The following IFT43 variants were observed in gnomAD, a reference collection of about 807,000 sequenced individuals.
The protein encoded by IFT43 is intraflagellar transport protein 43 homolog.
Under a neutral mutation model 32.3 loss-of-function variants are expected in IFT43, and 33 were observed. The ratio of observed to expected loss-of-function variants is 1.02; its 90% CI spans 0.77 to 1.37. The LOEUF (loss-of-function observed/expected upper bound fraction) is 1.37. IFT43 is among the 40% of genes most tolerant of loss of function. The pLI is 0.00. For missense variants in IFT43, 274 were observed against 265.9 expected (o/e 1.03, Z -0.21); for synonymous variants, 93 against 98.2 (o/e 0.95, Z 0.31).
In IFT43 at chr14:76,029,203, A is replaced by G. The variant is rs13379075; in HGVS notation, c.215+6809A>G. On this transcript the variant is annotated intron_variant, in intron 3 of 8. Transcript: ENST00000314067. ...GTATCTCATTGTGGCTTCAATTTGC[A>G]TTTCTCTGATAGTGATGTTAAGCAT... is the stretch of plus-strand genomic sequence containing the variant. Among the ~76,000 whole-genome samples the G allele has an allele frequency of 4.5e-3, 687 of 152,154 alleles. 2 individuals carry two copies. Among genetic ancestry groups the G allele is most frequent in the African/African-American group, 0.016 (657 of 41,502 alleles).
intron 5 of IFT43, among the ~76,000 whole-genome samples, chr14:76,064,015 G>A (rs1183887427): frequency 2.0e-5 from 3 of 152,152 alleles, no homozygotes; most frequent in Admixed American, 6.5e-5. Flanking sequence ...ATCTCATTCC[G>A]GGCAGGGGAT....
intron 2 of IFT43, among the ~76,000 whole-genome samples, chr14:76,000,674 G>A (rs938956715): frequency 2.0e-5 from 3 of 152,128 alleles, no homozygotes; most frequent in East Asian, 3.8e-4. Context: ...AAAACCTGGC[G>A]GAGGGGTCTA....
At chr14:76,065,871 C>T (rs1007738627) in intron 5 of IFT43, among the ~76,000 whole-genome samples, 5 of 152,232 alleles carry the variant, frequency 3.3e-5, no homozygotes, top group Non-Finnish European at 7.3e-5. Context: ...CCTTCCACCT[C>T]GGTTTCCCGA....
At chr14:76,081,725 C>A (rs1262822409) in intron 5 of IFT43, among the ~76,000 whole-genome samples, 4 of 152,168 alleles carry the variant, frequency 2.6e-5, no homozygotes, top group Non-Finnish European at 2.9e-5. Context: ...CAAATGGACG[C>A]CTGGATCCCA....
chr14:76,062,948 ACATT>A (rs2037169846), intron 5 of IFT43, among the ~76,000 whole-genome samples: 2 of 141,146 alleles, frequency 1.4e-5, no homozygotes, highest in Non-Finnish European at 3.0e-5. Flanking sequence ...AAAAGAAAAT[ACATT>A]AAGTCAAACC....
At chr14:76,081,916 C>A (rs1352738790) in intron 5 of IFT43, among the ~76,000 whole-genome samples, 1 of 152,236 alleles carries the variant, frequency 6.6e-6, no homozygotes, top group Non-Finnish European at 1.5e-5. Flanking sequence ...ATGCCAGGCT[C>A]ACTTGTCAGT....
intron 3 of IFT43, 84 bp downstream of exon 3, chr14:76,022,478 A>G: frequency 1.2e-6 from 1 of 804,764 alleles, no homozygotes; most frequent in African/African-American, 1.7e-5. Flanking sequence ...TATTTTTTAC[A>G]ATAGCTTTAT....
chr14:76,014,788 C>T (rs189546318), intron 2 of IFT43, among the ~76,000 whole-genome samples: 1 of 152,284 alleles, frequency 6.6e-6, no homozygotes, highest in African/African-American at 2.4e-5. Flanking sequence ...ACCAAGATGG[C>T]AAGAAAACTG....
intron 5 of IFT43, among the ~76,000 whole-genome samples, chr14:76,066,482 A>G (rs1354636982): frequency 6.6e-6 from 1 of 152,230 alleles, no homozygotes; most frequent in African/African-American, 2.4e-5. Flanking sequence ...TTTAGAATCC[A>G]TTATGCAGTA....
chr14:76,051,753 T>A (rs1000486712), intron 3 of IFT43, among the ~76,000 whole-genome samples: 3 of 152,218 alleles, frequency 2.0e-5, no homozygotes, highest in Non-Finnish European at 2.9e-5. Flanking sequence ...CTTGACATTT[T>A]AAAAATGTAA....
At chr14:76,024,937 G>C (rs2036361951) in intron 3 of IFT43, among the ~76,000 whole-genome samples, 1 of 152,204 alleles carries the variant, frequency 6.6e-6, no homozygotes, top group Admixed American at 6.5e-5. Flanking sequence ...CTCATTTTAT[G>C]GATGAAATAA....
chr14:76,077,725 T>A (rs910430894), intron 5 of IFT43, among the ~76,000 whole-genome samples: 1 of 152,176 alleles, frequency 6.6e-6, no homozygotes, highest in Non-Finnish European at 1.5e-5. Flanking sequence ...TCCCTCTGGA[T>A]TTCCCCCCAT....
Position 75,985,768 on chromosome 14 carries a change from A to G in IFT43, c.-19A>G. The stretch of plus-strand genomic sequence containing the variant: ...TGGGCCAGTCGGTTTCCAGGAAGTG[A>G]CGTCAGGCGGCCGCGGAGATGGAGG... On this transcript the variant is annotated 5_prime_UTR_variant, in exon 1 of 9. Coordinates refer to ENST00000314067, the MANE Select transcript of IFT43 (RefSeq NM_001102564.3). 1.9e-6 allele frequency: 3 copies of G among 1,614,062 alleles called. No individual in the cohort carries two copies.
At chr14:76,005,708 A>G (rs567725080) in intron 2 of IFT43, among the ~76,000 whole-genome samples, 47 of 152,224 alleles carry the variant, frequency 3.1e-4, no homozygotes, top group African/African-American at 1.1e-3. Flanking sequence ...CAGCTACCCA[A>G]TTGCTGTACA....
chr14:76,082,505 C>A, intron 6 of IFT43, 112 bp from the exon 7 acceptor site: 2 of 1,364,500 alleles, frequency 1.5e-6, no homozygotes, highest in Non-Finnish European at 2.1e-6. Context: ...TTTTGTTATT[C>A]CCATTCTGGT....
At chr14:76,058,391 C>T (rs1297263231) in intron 3 of IFT43, 3 of 438,982 alleles carry the variant, frequency 6.8e-6, no homozygotes, top group East Asian at 4.8e-5. Context: ...TTAAGCCACT[C>T]GCTCAACCTG....
chr14:76,029,757 A>G (rs1469382808), intron 3 of IFT43, among the ~76,000 whole-genome samples: 1 of 152,000 alleles, frequency 6.6e-6, no homozygotes, highest in Non-Finnish European at 1.5e-5. Context: ...ACTTTGCCAC[A>G]GATTGGTTGG....
intron 2 of IFT43, among the ~76,000 whole-genome samples, chr14:76,012,228 G>T (rs1390292318): frequency 1.3e-5 from 2 of 152,166 alleles, no homozygotes; most frequent in Non-Finnish European, 2.9e-5. Flanking sequence ...CAGGACTTCT[G>T]AGAGTGTGTG....
At chr14:76,066,791 A>T (rs2037231206) in intron 5 of IFT43, among the ~76,000 whole-genome samples, 2 of 152,216 alleles carry the variant, frequency 1.3e-5, no homozygotes, top group Non-Finnish European at 1.5e-5. Flanking sequence ...ACTTGTAGGG[A>T]TATGTGATTG....
Sources: allele counts gnomAD v4.1 joint callset (sites outside exome capture counted in the v4.1 genomes callset), GRCh38; gene constraint gnomAD v4.1.1; transcripts MANE v1.5; gene names NCBI Gene and HGNC (gene_info 2026-07-23, HGNC 2026-07-21).